The following MAEA variants were observed in gnomAD, a reference collection of about 807,000 sequenced individuals.
MAEA encodes E3 ubiquitin-protein transferase MAEA.
In MAEA, 22 loss-of-function variants were observed where a neutral mutation model predicts 46.2. The observed-to-expected ratio is 0.48, with a 90% CI of 0.34 to 0.68. The LOEUF (loss-of-function observed/expected upper bound fraction) is 0.68, where lower values mean the gene tolerates loss of function less well. Among genes scored for constraint, MAEA ranks in the 30% least tolerant of loss-of-function variants. MAEA has a pLI of 0.01. For synonymous variants in MAEA, 246 were observed against 222.6 expected, an observed-to-expected ratio of 1.11 and a Z score of -0.94; for missense variants, 393 against 558.1, an observed-to-expected ratio of 0.70 and a Z score of 2.98.
chr4:1,304,749 T>C (rs560320850), intron 1 of MAEA, among the ~76,000 whole-genome samples: 7 of 152,016 alleles, frequency 4.6e-5, no homozygotes, highest in Admixed American at 4.6e-4. Flanking sequence ...CCTGGTAATT[T>C]ATGTTAAGTG....
chr4:1,328,583 C>T, intron 5 of MAEA: 2 of 1,180,022 alleles, frequency 1.7e-6, no homozygotes, highest in South Asian at 1.5e-5. Context: ...CAGGAGGGGG[C>T]ACCTGTCCAT....
chr4:1,312,685 C>T (rs1253890643), intron 2 of MAEA: 2 of 159,100 alleles, frequency 1.3e-5, no homozygotes, highest in African/African-American at 2.4e-5. Context: ...CTGCCTTGGC[C>T]TCCCAAAGCT....
At chr4:1,317,174 C>CCGCAGGCCCACCCGG (rs1737366217) in intron 3 of MAEA, among the ~76,000 whole-genome samples, 1 of 75,186 alleles carries the variant, frequency 1.3e-5, no homozygotes, top group Admixed American at 1.3e-4. Flanking sequence ...CCAGACTCAC[C>CCGCAGGCCCACCCGG]TGCAGGCCCA....
At chr4:1,299,088 A>G (rs1322006094) in intron 1 of MAEA, among the ~76,000 whole-genome samples, 1 of 152,096 alleles carries the variant, frequency 6.6e-6, no homozygotes, top group Non-Finnish European at 1.5e-5. Flanking sequence ...TCCGTTGTCT[A>G]GGCTGGTCTC....
chr4:1,290,025 T>A, intron 1 of MAEA, 43 bp downstream of exon 1: 1 of 1,491,834 alleles, frequency 6.7e-7, no homozygotes, highest in Non-Finnish European at 9.0e-7. Flanking sequence ...CGAAGGCGTC[T>A]CCAGCCAGTG....
Position 1,304,491 on chromosome 4 carries a change from A to G in MAEA, c.70-7488A>G, listed in dbSNP as rs184431791. On this transcript the variant is annotated intron_variant, in intron 1 of 8. Coordinates refer to ENST00000303400, the MANE Select transcript of MAEA (RefSeq NM_001017405.3). ...AGTCTCGCACTGTCGCCCAGGCTGG[A>G]GTGCAGTGGCGTGGTCTCTGCTCAC... Among the ~76,000 whole-genome samples the G allele has an allele frequency of 3.8e-3, 582 of 152,296 alleles. 2 individuals carry two copies. The highest frequency in any genetic ancestry group is 5.5e-3 in the Non-Finnish European group (376 of 68,028).
At chr4:1,324,960 G>A (rs1408183681) in intron 4 of MAEA, among the ~76,000 whole-genome samples, 2 of 152,070 alleles carry the variant, frequency 1.3e-5, no homozygotes, top group South Asian at 2.1e-4. Flanking sequence ...GTTGGATGAA[G>A]TCGAGACTGG....
At chr4:1,325,814 C>T (rs1031101433) in intron 4 of MAEA, among the ~76,000 whole-genome samples, 2 of 152,190 alleles carry the variant, frequency 1.3e-5, no homozygotes, top group African/African-American at 4.8e-5. Flanking sequence ...CCTGGGATGA[C>T]TTTGTGCCTC....
At position 1,338,496 on chromosome 4, in the gene MAEA, C is replaced by T; in HGVS notation, c.974C>T (p.Ala325Val). 4.3e-6 allele frequency: 7 copies of T among 1,613,130 alleles called. No homozygotes were observed. The highest frequency in any genetic ancestry group is 3.4e-6 in the Non-Finnish European group (4 of 1,179,994). ...TGCAGCCGCTCCCTGAACAAGCTGG[C>T]GCAGCCCCTGCCCATGGCCCACTGT... is the stretch of plus-strand genomic sequence containing the variant. ...PVCSRSLNKL[A>V]QPLPMAHCAN... The change falls in exon 8 of 9, where the codon GCG becomes GTG. Residue 325 changes from alanine (A) to valine (V), a missense_variant. Ala to Val is a moderately conservative substitution (Grantham distance 64). Around this residue, in one of 2 missense-constraint regions of MAEA, gnomAD observed 358 missense variants for 537.9 expected, o/e 0.67. Transcript: ENST00000303400.
At chr4:1,337,698 T>C in intron 7 of MAEA, 1 of 171,614 alleles carries the variant, frequency 5.8e-6, no homozygotes, top group Non-Finnish European at 1.3e-5. Context: ...CCTGTGACTC[T>C]GTCCTCGCCT....
At chr4:1,294,511 G>A (rs985049339) in intron 1 of MAEA, among the ~76,000 whole-genome samples, 1 of 152,010 alleles carries the variant, frequency 6.6e-6, no homozygotes, top group Non-Finnish European at 1.5e-5. Flanking sequence ...GGCCTGGAGC[G>A]GCCCTGGGAC....
chr4:1,323,482 C>T (rs1205300434), intron 4 of MAEA: 2 of 702,426 alleles, frequency 2.8e-6, no homozygotes, highest in Admixed American at 2.0e-5. Context: ...AGGAGTGACA[C>T]ACTGCCACTC....
At chr4:1,323,438 G>A in intron 4 of MAEA, 1 of 701,566 alleles carries the variant, frequency 1.4e-6, no homozygotes, top group East Asian at 2.7e-5. Flanking sequence ...CCTCACCCTG[G>A]CTGAGTTTGG....
intron 5 of MAEA, chr4:1,332,474 G>T: frequency 3.2e-6 from 1 of 315,196 alleles, no homozygotes; most frequent in Non-Finnish European, 6.1e-6. Context: ...CAGCACTTTG[G>T]GAGGCCGGGG....
chr4:1,319,482 A>T (rs563934143), intron 3 of MAEA, among the ~76,000 whole-genome samples: 154 of 152,280 alleles, frequency 1.0e-3, no homozygotes, highest in East Asian at 2.3e-3. Context: ...GACTCTCACA[A>T]CCGGAGACCC....
At chr4:1,332,481 G>A (rs1029234650) in intron 5 of MAEA, 7 of 320,296 alleles carry the variant, frequency 2.2e-5, no homozygotes, top group Admixed American at 9.7e-5. Context: ...TTGGGAGGCC[G>A]GGGCAGGAAG....
At chr4:1,332,724 C>T (rs989351752) in intron 5 of MAEA, 33 bp from the exon 6 acceptor site, 3 of 1,565,842 alleles carry the variant, frequency 1.9e-6, no homozygotes, top group Non-Finnish European at 2.6e-6. Flanking sequence ...AATTAAAACG[C>T]AAACTTAAAT....
Position 1,333,426 on chromosome 4 carries a change from C to G in MAEA, c.765+561C>G, listed in dbSNP as rs571371507. ...CGGGGCCCAGCTTCCTTGCCTGTCC[C>G]CCTGGTTCTCCTTTCTCTACAGCCC... On this transcript the variant is annotated intron_variant, in intron 6 of 8. Coordinates refer to ENST00000303400, the MANE Select transcript of MAEA (RefSeq NM_001017405.3). 1.1e-4 allele frequency among the ~76,000 whole-genome samples: 16 copies of G among 152,278 alleles called. No individual in the cohort carries two copies. The East Asian group carries it at 2.7e-3, about 26-fold the overall frequency.
At chr4:1,325,061 C>T (rs961601880) in intron 4 of MAEA, among the ~76,000 whole-genome samples, 8 of 152,164 alleles carry the variant, frequency 5.3e-5, no homozygotes, top group East Asian at 1.9e-4. Flanking sequence ...GAGATGCGGC[C>T]GAGCCAGTTG....
Sources: allele counts gnomAD v4.1 joint callset (sites outside exome capture counted in the v4.1 genomes callset), GRCh38; gene constraint gnomAD v4.1.1; regional missense constraint gnomAD v4.1.1; transcripts MANE v1.5; gene names NCBI Gene and HGNC (gene_info 2026-07-23, HGNC 2026-07-21).